Variants in HIP1 observed in about 807,000 individuals in gnomAD.
HIP1 encodes the protein huntingtin-interacting protein 1.
Under a neutral mutation model 147.6 loss-of-function variants are expected in HIP1, and 65 were observed. That is an observed-to-expected ratio of 0.44 (90% CI 0.36 to 0.54). The LOEUF (loss-of-function observed/expected upper bound fraction) is 0.54. Among genes scored for constraint, HIP1 ranks in the 20% least tolerant of loss-of-function variants. HIP1 has a pLI of 0.00. For missense variants in HIP1, 1,061 were observed against 1,299.6 expected (o/e 0.82, Z 2.82); for synonymous variants, 479 against 504.0 (o/e 0.95, Z 0.67).
rs1361906181 is a variant in HIP1, at chr7:75,643,231, C to A, written c.121-43984G>T. On this transcript the variant is annotated intron_variant, in intron 1 of 30. Coordinates refer to ENST00000336926, the MANE Select transcript of HIP1 (RefSeq NM_005338.7). ...ATAAAAAATATTGCTTATGAAAGGG[C>A]CTTAAGTAACATATGTTACTATGCT... Among the ~76,000 whole-genome samples the A allele has an allele frequency of 2.0e-5, 3 of 152,180 alleles. No individual in the cohort carries two copies. The East Asian group carries it at 5.8e-4, about 29-fold the overall frequency.
chr7:75,661,764 C>T (rs1310296359), intron 1 of HIP1, among the ~76,000 whole-genome samples: 7 of 151,610 alleles, frequency 4.6e-5, no homozygotes, highest in African/African-American at 1.5e-4. Flanking sequence ...AGCAGAGTAA[C>T]GCAGGCCTAA....
rs782809924 is a variant in HIP1 at position 75,546,944 on chromosome 7, C to T, written c.2554G>A (p.Gly852Ser). The T allele has an allele frequency of 6.6e-5, 104 of 1,567,322 alleles. No homozygotes were observed. In the Middle Eastern group the frequency reaches 1.2e-3, roughly 18 times the overall value. ...KDLQREIVES[G>S]RGTASPKEFY... ...GGGCCCACACCCACGCTCACCCTGC[C>T]GCTCTCCACAATCTCTCTCTGGAGG... The change falls in exon 25 of 31, where the codon GGC becomes AGC. Residue 852 changes from glycine (G) to serine (S), a missense_variant. Around this residue, in one of 3 missense-constraint regions of HIP1, gnomAD observed 810 missense variants for 946.8 expected, o/e 0.86. Transcript: ENST00000336926.
At chr7:75,692,979 A>G (rs1800511179) in intron 1 of HIP1, among the ~76,000 whole-genome samples, 1 of 151,910 alleles carries the variant, frequency 6.6e-6, no homozygotes, top group Admixed American at 6.6e-5. Context: ...AGCCTGGCCA[A>G]CATGGCGAAG....
At chr7:75,566,403 C>A (rs587731493) in intron 9 of HIP1, among the ~76,000 whole-genome samples, 5 of 151,512 alleles carry the variant, frequency 3.3e-5, no homozygotes, top group Non-Finnish European at 5.9e-5. Flanking sequence ...CTACTCCATA[C>A]GCAGTGAGCC....
chr7:75,612,116 G>A (rs10242514), intron 1 of HIP1, among the ~76,000 whole-genome samples: 6,519 of 152,302 alleles, frequency 0.043, 461 homozygotes, highest in African/African-American at 0.15. Flanking sequence ...GAGCAGGCAC[G>A]GGGATGTGCC....
chr7:75,716,826 AG>A (rs1429940517), intron 1 of HIP1, among the ~76,000 whole-genome samples: 11 of 144,382 alleles, frequency 7.6e-5, no homozygotes, highest in East Asian at 4.0e-4. Flanking sequence ...GCTTTTTTTT[AG>A]GGGGGGGGAA....
chr7:75,640,208 G>A (rs924309393), intron 1 of HIP1, among the ~76,000 whole-genome samples: 11 of 152,192 alleles, frequency 7.2e-5, no homozygotes, highest in African/African-American at 2.7e-4. Flanking sequence ...AAATCAGATG[G>A]CAGTAAAGTT....
At chr7:75,564,605 A>AT (rs1225747456) in intron 9 of HIP1, among the ~76,000 whole-genome samples, 1 of 151,390 alleles carries the variant, frequency 6.6e-6, no homozygotes, top group East Asian at 1.9e-4. Flanking sequence ...ATTTGTAAAT[A>AT]TTTTTTTGAG....
chr7:75,630,987 T>C (rs1170452874), intron 1 of HIP1, among the ~76,000 whole-genome samples: 2 of 152,194 alleles, frequency 1.3e-5, no homozygotes, highest in Non-Finnish European at 2.9e-5. Flanking sequence ...AGGGTCCTGC[T>C]CTGTCACCCA....
intron 1 of HIP1, among the ~76,000 whole-genome samples, chr7:75,688,758 A>G (rs1488892869): frequency 1.3e-5 from 2 of 152,104 alleles, no homozygotes; most frequent in African/African-American, 2.4e-5. Flanking sequence ...AGCCAGCTTC[A>G]AATTCCAGAG....
At chr7:75,701,831 T>C (rs539702086) in intron 1 of HIP1, among the ~76,000 whole-genome samples, 181 of 152,204 alleles carry the variant, frequency 1.2e-3, no homozygotes, top group African/African-American at 4.2e-3. Flanking sequence ...CCTGGCTGGG[T>C]GACAAAGTGA....
chr7:75,738,704 A>T, intron 1 of HIP1, 97 bp downstream of exon 1: 1 of 1,385,034 alleles, frequency 7.2e-7, no homozygotes, highest in Non-Finnish European at 9.8e-7. Context: ...CCCGTCTTCA[A>T]CTGGGGCCTG....
chr7:75,633,199 T>C (rs2117132297), intron 1 of HIP1, among the ~76,000 whole-genome samples: 1 of 152,334 alleles, frequency 6.6e-6, no homozygotes, highest in East Asian at 1.9e-4. Context: ...TACTTACTCA[T>C]GTGCATGCAT....
At chr7:75,717,632 G>C (rs1463071399) in intron 1 of HIP1, among the ~76,000 whole-genome samples, 2 of 147,782 alleles carry the variant, frequency 1.4e-5, no homozygotes, top group Non-Finnish European at 3.0e-5. Flanking sequence ...CGGAGTTCAA[G>C]ACCAGCCTGG....
chr7:75,652,915 A>G (rs1186141640), intron 1 of HIP1, among the ~76,000 whole-genome samples: 28 of 152,154 alleles, frequency 1.8e-4, no homozygotes. Flanking sequence ...AGGGTCATAA[A>G]GGGTTAATGC....
chr7:75,544,356 A>C (rs1794453707), intron 27 of HIP1, among the ~76,000 whole-genome samples: 1 of 151,844 alleles, frequency 6.6e-6, no homozygotes, highest in South Asian at 2.1e-4. Flanking sequence ...AGTAGTCTCT[A>C]ACCTAGCCAA....
intron 22 of HIP1, among the ~76,000 whole-genome samples, chr7:75,550,044 G>A (rs150681900): frequency 7.4e-4 from 113 of 152,200 alleles, no homozygotes; most frequent in African/African-American, 2.7e-3. Context: ...ATCATATGAG[G>A]CGGGTATTAT....
intron 1 of HIP1, among the ~76,000 whole-genome samples, chr7:75,609,881 C>G (rs1554504513): frequency 6.6e-6 from 1 of 150,474 alleles, no homozygotes. Context: ...TTCTCTCTTC[C>G]TTCTTTCTTT....
intron 1 of HIP1, among the ~76,000 whole-genome samples, chr7:75,708,130 C>T (rs545592374): frequency 6.7e-6 from 1 of 148,634 alleles, no homozygotes; most frequent in Non-Finnish European, 1.5e-5. Context: ...AGCTTCTGCA[C>T]AGCAAAAGAA....
Sources: gnomAD v4.1 joint callset for allele counts (sites outside exome capture counted in the v4.1 genomes callset) on GRCh38, gnomAD v4.1.1 for gene constraint, gnomAD v4.1.1 regional missense constraint, MANE v1.5 for transcripts, NCBI Gene and HGNC (gene_info 2026-07-23, HGNC 2026-07-21) for gene names.